Variants in MPDZ observed in about 807,000 individuals in gnomAD.
The protein encoded by MPDZ is multiple PDZ domain protein.
MPDZ carries 234 observed loss-of-function variants against 239.1 expected under a neutral mutation model. The ratio of observed to expected loss-of-function variants is 0.98; its 90% confidence interval spans 0.88 to 1.09. The LOEUF is 1.09. Ranked by LOEUF, MPDZ falls within the 50% of genes least tolerant of loss-of-function variation. The pLI is 0.00. For missense variants in MPDZ, 3,175 were observed against 2,510.0 expected (o/e 1.26, Z -5.66); for synonymous variants, 1,048 against 881.3 (o/e 1.19, Z -3.35).
rs964953629 is a variant in MPDZ, at chr9:13,221,452, C to A, written c.796G>T (p.Gly266Cys). ...CCTCCTATGATGCCAAATCCCAAAC[C>A]AGATCCATCATTCACCAATTCAATC... ...ETIELVNDGSGLGFGIIGGKA... is the reference protein window; with the variant it reads ...ETIELVNDGSCLGFGIIGGKA... The change falls in exon 7 of 47, where the codon GGT becomes TGT. Residue 266 changes from glycine (G) to cysteine (C), a missense_variant. By Grantham distance (159) the Gly-to-Cys change is radical. Coordinates refer to ENST00000319217, the MANE Select transcript of MPDZ (RefSeq NM_001378778.1). 6.2e-7 allele frequency: 1 copy of A among 1,611,240 alleles called. No individual in the cohort carries two copies. Among genetic ancestry groups the A allele is most frequent in the Non-Finnish European group, 8.5e-7 (1 of 1,178,354 alleles).
chr9:13,177,012 T>C (rs2134216721), intron 19 of MPDZ, among the ~76,000 whole-genome samples: 1 of 152,232 alleles, frequency 6.6e-6, no homozygotes, highest in South Asian at 2.1e-4. Flanking sequence ...GTAAGACGGG[T>C]TGTCATAAAA....
intron 38 of MPDZ, 130 bp downstream of exon 38, chr9:13,121,609 G>C (rs1056128036): frequency 2.3e-6 from 2 of 884,960 alleles, no homozygotes; most frequent in African/African-American, 1.7e-5. Context: ...TCCTTAGTGA[G>C]GGGGCTAACA....
chr9:13,221,466 AC>A lies in MPDZ; in HGVS notation c.781del (p.Val261Ter). On this transcript the variant is annotated frameshift_variant, in exon 7 of 47. Transcript: ENST00000319217. LOFTEE classifies it high-confidence loss of function. ...AAATCCCAAACCAGATCCATCATTC[AC>A]CAATTCAATCGTTTCCATGTGTTGC... ...HWQHMETIEL[V>X]NDGSGLGFGI... 6.2e-7 allele frequency: 1 copy of A among 1,611,130 alleles called. No homozygotes were observed. The highest frequency in any genetic ancestry group is 2.2e-5 in the East Asian group (1 of 44,708).
chr9:13,274,996 G>A (rs995119320), intron 1 of MPDZ, among the ~76,000 whole-genome samples: 31 of 152,168 alleles, frequency 2.0e-4, no homozygotes, highest in Non-Finnish European at 3.8e-4. Context: ...AACATCCAGA[G>A]AAAGAAAATA....
At chr9:13,228,545 T>G (rs1961363224) in intron 3 of MPDZ, among the ~76,000 whole-genome samples, 1 of 152,116 alleles carries the variant, frequency 6.6e-6, no homozygotes, top group South Asian at 2.1e-4. Flanking sequence ...ACATGTATAT[T>G]CATTTGTATA....
At chr9:13,232,009 GA>G (rs1203086749) in intron 3 of MPDZ, among the ~76,000 whole-genome samples, 6 of 151,512 alleles carry the variant, frequency 4.0e-5, no homozygotes, top group African/African-American at 9.7e-5. Flanking sequence ...AAAGATGGGA[GA>G]AAAAAAATAA....
At chr9:13,255,580 C>T (rs780682398) in intron 1 of MPDZ, among the ~76,000 whole-genome samples, 4 of 152,138 alleles carry the variant, frequency 2.6e-5, no homozygotes, top group East Asian at 1.9e-4. Context: ...GTTGTGTTAG[C>T]GACATGAAAA....
rs115296919 is a variant in MPDZ at position 13,241,568 on chromosome 9, G to A, written c.183+6067C>T. ...TTCGGTCTCAAATTAGAAACTATAG[G>A]GAAAGGGTCATTTTTAGTTTGTTAT... On this transcript the variant is annotated intron_variant, in intron 3 of 46. Coordinates refer to ENST00000319217, the MANE Select transcript of MPDZ (RefSeq NM_001378778.1). Among the ~76,000 whole-genome samples, 730 of 152,222 alleles carry A rather than the reference G, an allele frequency of 4.8e-3. 4 individuals are homozygous for A. The highest frequency in any genetic ancestry group is 0.016 in the African/African-American group (647 of 41,558).
chr9:13,207,525 C>G (rs1054734882), intron 10 of MPDZ, among the ~76,000 whole-genome samples: 1 of 152,198 alleles, frequency 6.6e-6, no homozygotes, highest in Non-Finnish European at 1.5e-5. Context: ...ATAGCCCACT[C>G]TAGACCATGC....
intron 10 of MPDZ, among the ~76,000 whole-genome samples, chr9:13,213,253 T>C (rs893099718): frequency 1.1e-4 from 16 of 152,048 alleles, no homozygotes; most frequent in African/African-American, 3.6e-4. Flanking sequence ...GTCTATTCCT[T>C]GTCACTGTAA....
chr9:13,215,089 G>T (rs534771931), intron 10 of MPDZ, among the ~76,000 whole-genome samples: 1 of 151,964 alleles, frequency 6.6e-6, no homozygotes, highest in Admixed American at 6.6e-5. Context: ...TCATCTTGCA[G>T]AACTGCAGAA....
intron 46 of MPDZ, 114 bp downstream of exon 46, chr9:13,108,822 G>T: frequency 1.9e-6 from 2 of 1,032,644 alleles, no homozygotes; most frequent in Non-Finnish European, 2.6e-6. Flanking sequence ...GAAAAGAAAT[G>T]ATCAACTGTT....
At chr9:13,266,832 C>T (rs938629859) in intron 1 of MPDZ, among the ~76,000 whole-genome samples, 6 of 151,974 alleles carry the variant, frequency 3.9e-5, no homozygotes, top group African/African-American at 1.5e-4. Flanking sequence ...GATTTGGGGG[C>T]AGAGAAAGAG....
At position 13,173,312 on chromosome 9, in the gene MPDZ, T is replaced by G. The variant is rs1366251040; in HGVS notation, c.3055+2440A>C. On this transcript the variant is annotated intron_variant, in intron 21 of 46. Coordinates refer to ENST00000319217, the MANE Select transcript of MPDZ (RefSeq NM_001378778.1). ...TTTTACAATAAAAAATCAATGTATCTTGACATATTAGGAGAATAAATAAGA... is the reference window on the plus strand; with the variant it reads ...TTTTACAATAAAAAATCAATGTATCGTGACATATTAGGAGAATAAATAAGA... Among the ~76,000 whole-genome samples the G allele has an allele frequency of 3.3e-5, 5 of 152,274 alleles. No homozygotes were observed. The South Asian group carries it at 1.0e-3, about 32-fold the overall frequency.
chr9:13,149,472 G>A (rs529039799), intron 25 of MPDZ, among the ~76,000 whole-genome samples: 1 of 152,188 alleles, frequency 6.6e-6, no homozygotes, highest in African/African-American at 2.4e-5. Flanking sequence ...AGTCTACTCT[G>A]TAAATCCTGA....
chr9:13,272,035 G>T (rs1454687504), intron 1 of MPDZ, among the ~76,000 whole-genome samples: 1 of 152,098 alleles, frequency 6.6e-6, no homozygotes, highest in Admixed American at 6.5e-5. Flanking sequence ...GAAACTTTCG[G>T]GGGTGATGGA....
intron 39 of MPDZ, among the ~76,000 whole-genome samples, chr9:13,116,600 T>C (rs1405340938): frequency 6.6e-6 from 1 of 152,210 alleles, no homozygotes; most frequent in Non-Finnish European, 1.5e-5. Flanking sequence ...TGAAACTATT[T>C]ATATTTTCAG....
chr9:13,253,313 T>C (rs1038583525), intron 1 of MPDZ, among the ~76,000 whole-genome samples: 1 of 152,080 alleles, frequency 6.6e-6, no homozygotes, highest in African/African-American at 2.4e-5. Flanking sequence ...TTCTTTTCTA[T>C]GCTTGGATGT....
intron 1 of MPDZ, among the ~76,000 whole-genome samples, chr9:13,265,317 C>G (rs1971547084): frequency 6.6e-6 from 1 of 152,174 alleles, no homozygotes. Context: ...CACCTGTCAT[C>G]CCAGCACTTT....
Sources: gnomAD v4.1 joint callset for allele counts (sites outside exome capture counted in the v4.1 genomes callset) on GRCh38, gnomAD v4.1.1 for gene constraint, MANE v1.5 for transcripts, NCBI Gene and HGNC (gene_info 2026-07-23, HGNC 2026-07-21) for gene names.